Variants in AFF3 observed in about 807,000 individuals in gnomAD.
AFF3 encodes the protein AF4/FMR2 family member 3.
AFF3 carries 32 observed loss-of-function variants against 129.7 expected under a neutral mutation model. That is an observed-to-expected ratio of 0.25 (90% CI 0.19 to 0.33). The LOEUF (loss-of-function observed/expected upper bound fraction) is 0.33, where lower values mean the gene tolerates loss of function less well. Among genes scored for constraint, AFF3 ranks in the 10% least tolerant of loss-of-function variants. The pLI is 1.00. For missense variants in AFF3, 1,373 were observed against 1,592.0 expected (o/e 0.86, Z 2.34); for synonymous variants, 644 against 635.4 (o/e 1.01, Z -0.20).
chr2:99,932,685 T>C (rs1034345500), intron 7 of AFF3, among the ~76,000 whole-genome samples: 30 of 152,158 alleles, frequency 2.0e-4, no homozygotes, highest in African/African-American at 7.2e-4. Context: ...AAACCCGGAG[T>C]GTAGGGACTG....
At chr2:100,124,533 C>A (rs562505683) in intron 2 of AFF3, among the ~76,000 whole-genome samples, 1 of 152,200 alleles carries the variant, frequency 6.6e-6, no homozygotes, top group East Asian at 1.9e-4. Flanking sequence ...AAAAACAAGA[C>A]TGAGATAGGA....
chr2:100,126,654 C>T (rs925740890), intron 2 of AFF3, among the ~76,000 whole-genome samples: 1 of 152,168 alleles, frequency 6.6e-6, no homozygotes, highest in African/African-American at 2.4e-5. Context: ...TAATACTTGT[C>T]ATAATTATTT....
At chr2:99,893,594 C>T (rs771704237) in intron 7 of AFF3, among the ~76,000 whole-genome samples, 11 of 152,056 alleles carry the variant, frequency 7.2e-5, no homozygotes, top group Non-Finnish European at 1.6e-4. Flanking sequence ...TGAACCCTGC[C>T]CGGCCCTGAT....
At chr2:99,773,990 C>T (rs568310764) in intron 8 of AFF3, among the ~76,000 whole-genome samples, 43 of 152,172 alleles carry the variant, frequency 2.8e-4, no homozygotes, top group African/African-American at 9.6e-4. Flanking sequence ...TCACAACTGC[C>T]ACAAAGAGAA....
At chr2:99,721,993 C>T (rs923073315) in intron 11 of AFF3, among the ~76,000 whole-genome samples, 18 of 152,172 alleles carry the variant, frequency 1.2e-4, no homozygotes, top group African/African-American at 4.3e-4. Flanking sequence ...TCACATTGAA[C>T]AATTCTTACT....
At position 99,852,738 on chromosome 2, in the gene AFF3, G is replaced by C. The variant is rs76811603; in HGVS notation, c.874-15214C>G. Among the ~76,000 whole-genome samples, 1,046 of 152,278 alleles carry C rather than the reference G, an allele frequency of 6.9e-3. 8 individuals carry two copies. Among genetic ancestry groups the C allele is most frequent in the Non-Finnish European group, 8.7e-3 (590 of 68,026 alleles). The stretch of plus-strand genomic sequence containing the variant: ...AAAGTAAATAGTGTGATGTAAAAAG[G>C]CTGGTCTGATCATTACGATTCCTTT... On this transcript the variant is annotated intron_variant, in intron 7 of 24. Coordinates refer to ENST00000672756, the MANE Select transcript of AFF3 (RefSeq NM_001386135.1).
chr2:99,545,651 G>C lies in AFF3; in HGVS notation c.*5823C>G, dbSNP rs1430184106. On this transcript the variant is annotated 3_prime_UTR_variant, in exon 25 of 25. Transcript: ENST00000672756. Reference sequence around the variant, plus strand: ...TGACCCTTGTACTGACTGGCAATTAGTGCCCTGAATTCAACCCTCAGATCA... The same window carrying C: ...TGACCCTTGTACTGACTGGCAATTACTGCCCTGAATTCAACCCTCAGATCA... The C allele has an allele frequency of 6.3e-6, 1 of 158,254 alleles. No individual in the cohort carries two copies. Among genetic ancestry groups the C allele is most frequent in the Non-Finnish European group, 1.4e-5 (1 of 71,686 alleles). The allele number at this position is 158,254 out of a possible 1,614,324, so 9.8% of individuals were successfully genotyped here. A position where few individuals can be genotyped will look rare whatever the true frequency, so the allele number is the denominator to read the frequency against.
intron 4 of AFF3, among the ~76,000 whole-genome samples, chr2:100,056,606 T>C (rs1686805810): frequency 1.3e-5 from 2 of 152,244 alleles, no homozygotes; most frequent in South Asian, 2.1e-4. Flanking sequence ...TCTTGGGTTT[T>C]AATGTCTCCT....
chr2:99,951,724 CA>C (rs2106388143), intron 7 of AFF3, among the ~76,000 whole-genome samples: 1 of 152,312 alleles, frequency 6.6e-6, no homozygotes, highest in Non-Finnish European at 1.5e-5. Flanking sequence ...CGGCTCACTG[CA>C]ACCTCCGCCT....
In AFF3 at chr2:100,121,890, G is replaced by T. The variant is rs377109170; in HGVS notation, c.-145+7334C>A. On this transcript the variant is annotated intron_variant, in intron 2 of 24. Transcript: ENST00000672756. Reference sequence around the variant, plus strand: ...ATCCTGGCTAACAAGGTGAAACCCCGTCTCTACTAAAAATACAAAAAATTA... The same window carrying T: ...ATCCTGGCTAACAAGGTGAAACCCCTTCTCTACTAAAAATACAAAAAATTA... Among the ~76,000 whole-genome samples the T allele has an allele frequency of 4.6e-5, 7 of 151,638 alleles. No individual in the cohort carries two copies. In the East Asian group the frequency reaches 5.8e-4, roughly 13 times the overall value.
intron 8 of AFF3, among the ~76,000 whole-genome samples, chr2:99,820,967 G>A (rs1461809832): frequency 1.4e-5 from 2 of 146,574 alleles, no homozygotes; most frequent in African/African-American, 5.0e-5. Flanking sequence ...CTGCCTCCCA[G>A]GTTCAAGCAA....
At chr2:99,727,274 G>C in intron 10 of AFF3, 146 bp from the exon 11 acceptor site, 2 of 846,726 alleles carry the variant, frequency 2.4e-6, no homozygotes, top group Non-Finnish European at 3.5e-6. Flanking sequence ...TATTGTCTGA[G>C]AACCGGATTT....
intron 11 of AFF3, among the ~76,000 whole-genome samples, chr2:99,725,216 G>GC (rs763355132): frequency 6.6e-5 from 10 of 151,964 alleles, no homozygotes; most frequent in South Asian, 2.1e-4. Context: ...CTCGTGATCC[G>GC]CCCCCCTTGG....
chr2:99,801,923 T>C (rs1314770713), intron 8 of AFF3, among the ~76,000 whole-genome samples: 1 of 152,232 alleles, frequency 6.6e-6, no homozygotes, highest in African/African-American at 2.4e-5. Flanking sequence ...AATAGAACTA[T>C]TTCCTTTGTT....
rs181402654 is a variant in AFF3 at position 99,755,562 on chromosome 2, C to T, written c.922-3261G>A. Among the ~76,000 whole-genome samples, 682 of 152,210 alleles carry T rather than the reference C, an allele frequency of 4.5e-3. 4 individuals carry two copies. The highest frequency in any genetic ancestry group is 3.9e-3 in the Admixed American group (59 of 15,282). On this transcript the variant is annotated intron_variant, in intron 8 of 24. Coordinates refer to ENST00000672756, the MANE Select transcript of AFF3 (RefSeq NM_001386135.1). Reference sequence around the variant, plus strand: ...GATTACAGGAGTGAGTCACCGCGCCCGGCCCCTATTGGTTTTTTAAAGGCA... The same window carrying T: ...GATTACAGGAGTGAGTCACCGCGCCTGGCCCCTATTGGTTTTTTAAAGGCA...
chr2:100,104,902 AC>A, intron 3 of AFF3: 1 of 200,998 alleles, frequency 5.0e-6, no homozygotes, highest in Non-Finnish European at 8.3e-6. Context: ...GCGCGCGCGC[AC>A]CGTGAGCCCC....
intron 13 of AFF3, among the ~76,000 whole-genome samples, chr2:99,644,439 T>C (rs901271091): frequency 6.6e-6 from 1 of 152,210 alleles, no homozygotes; most frequent in Non-Finnish European, 1.5e-5. Flanking sequence ...TTATGTTCCA[T>C]TTTTATAAAA....
intron 7 of AFF3, among the ~76,000 whole-genome samples, chr2:99,935,208 C>T (rs907992621): frequency 2.6e-5 from 4 of 152,216 alleles, no homozygotes; most frequent in African/African-American, 9.6e-5. Flanking sequence ...TCCCTGTCAA[C>T]ATGGTATTCA....
chr2:100,083,812 A>T (rs1399071283), intron 4 of AFF3, among the ~76,000 whole-genome samples: 4 of 152,090 alleles, frequency 2.6e-5, no homozygotes, highest in Admixed American at 6.5e-5. Context: ...GGAAGAATGG[A>T]GGGGGTGGTG....
Sources: gnomAD v4.1 joint callset for allele counts (sites outside exome capture counted in the v4.1 genomes callset) on GRCh38, gnomAD v4.1.1 for gene constraint, MANE v1.5 for transcripts, NCBI Gene and HGNC (gene_info 2026-07-23, HGNC 2026-07-21) for gene names.